Variants in HSD17B6 observed in about 807,000 individuals in gnomAD.
HSD17B6 encodes hydroxysteroid 17-beta dehydrogenase 6, also known as 17-beta-hydroxysteroid dehydrogenase type 6.
A neutral mutation model predicts 26.4 loss-of-function variants in HSD17B6; 16 were observed. The ratio of observed to expected loss-of-function variants is 0.61; its 90% CI spans 0.41 to 0.92. HSD17B6 has a LOEUF of 0.92. HSD17B6 is among the 40% of genes least tolerant of loss of function. The pLI, the probability that HSD17B6 is intolerant of heterozygous loss-of-function variation, is 0.00. For missense variants in HSD17B6, 357 were observed against 386.1 expected, an observed-to-expected ratio of 0.92 and a Z score of 0.63; for synonymous variants, 139 against 153.0, an observed-to-expected ratio of 0.91 and a Z score of 0.68.
chr12:56,776,088 G>A (rs902293291), intron 2 of HSD17B6, among the ~76,000 whole-genome samples: 3 of 151,286 alleles, frequency 2.0e-5, no homozygotes, highest in African/African-American at 7.3e-5. Flanking sequence ...ACCATACCGG[G>A]CTAATTTTTA....
chr12:56,787,336 A>C lies in HSD17B6; in HGVS notation c.948A>C (p.Ala316=). 6.2e-7 allele frequency: 1 copy of C among 1,610,468 alleles called. No individual in the cohort carries two copies. Among genetic ancestry groups the C allele is most frequent in the East Asian group, 2.2e-5 (1 of 44,884 alleles). Residue 316 remains alanine (A), a synonymous_variant, in exon 5 of 5, where the codon GCA becomes GCC. Transcript: ENST00000322165. ...GATCTTGGCCCAAACCAGCCCAGGC[A>C]GTCTAAAGAAAACTGGGTTGGTGCT... The part of the protein sequence containing the change: ...LTRSWPKPAQ[A]V
chr12:56,765,742 A>G (rs1389190310), intron 1 of HSD17B6, among the ~76,000 whole-genome samples: 1 of 151,992 alleles, frequency 6.6e-6, no homozygotes, highest in Non-Finnish European at 1.5e-5. Flanking sequence ...GAACTCCTCA[A>G]GGAATTCGCC....
rs1233787315 is a variant in HSD17B6, at chr12:56,784,952, G to C, written c.672G>C (p.Lys224Asn). The C allele has an allele frequency of 1.9e-6, 3 of 1,614,078 alleles. No individual in the cohort carries two copies. The highest frequency in any genetic ancestry group is 8.5e-7 in the Non-Finnish European group (1 of 1,179,998). ...TGACACAGTCCTTAGAGCGAATGAA[G>C]CAAAGTTGGAAAGAAGCCCCCAAGC... ...TNMTQSLERM[K>N]QSWKEAPKHI... The change falls in exon 4 of 5, where the codon AAG becomes AAC. Residue 224 changes from lysine to asparagine, a missense_variant. Physicochemically the swap from Lys to Asn is moderately conservative, Grantham distance 94. Transcript: ENST00000322165.
intron 2 of HSD17B6, among the ~76,000 whole-genome samples, chr12:56,780,244 AGTGGAG>A (rs1954683949): frequency 6.6e-6 from 1 of 152,202 alleles, no homozygotes; most frequent in Non-Finnish European, 1.5e-5. Flanking sequence ...TAAAAAGTAA[AGTGGAG>A]GTTCCTCCTC....
At chr12:56,776,146 G>A (rs1419435666) in intron 2 of HSD17B6, among the ~76,000 whole-genome samples, 6 of 151,958 alleles carry the variant, frequency 3.9e-5, no homozygotes, top group Admixed American at 1.3e-4. Context: ...GGCTTGCCTC[G>A]AACTCCTGAC....
At chr12:56,783,704 C>T (rs1954797298) in intron 3 of HSD17B6, among the ~76,000 whole-genome samples, 3 of 146,670 alleles carry the variant, frequency 2.0e-5, no homozygotes, top group African/African-American at 7.6e-5. Context: ...CCCCCCTCAC[C>T]TCCCTCCCGG....
intron 4 of HSD17B6, among the ~76,000 whole-genome samples, chr12:56,785,582 C>T (rs748176525): frequency 1.4e-4 from 22 of 152,324 alleles, no homozygotes; most frequent in East Asian, 5.8e-4. Context: ...GACATATAGG[C>T]GGCCTGGGGC....
At chr12:56,774,865 CT>C (rs1017310214) in intron 2 of HSD17B6, among the ~76,000 whole-genome samples, 39 of 152,364 alleles carry the variant, frequency 2.6e-4, no homozygotes, top group African/African-American at 9.4e-4. Flanking sequence ...ACAGATGAAG[CT>C]TTGCTTGCTT....
In HSD17B6 at chr12:56,776,386, C is replaced by T. The variant is rs368821689; in HGVS notation, c.313+2221C>T. 9.2e-4 allele frequency among the ~76,000 whole-genome samples: 137 copies of T among 149,268 alleles called. 4 individuals carry two copies. The South Asian group carries it at 0.028, about 31-fold the overall frequency. ...GTGGAATGATCATGGCCCACTGCAG[C>T]CTCACTCTCCTTGGTTCAAGCGATC... On this transcript the variant is annotated intron_variant, in intron 2 of 4. Coordinates refer to ENST00000322165, the MANE Select transcript of HSD17B6 (RefSeq NM_003725.4).
intron 2 of HSD17B6, among the ~76,000 whole-genome samples, chr12:56,780,771 C>T (rs1343860373): frequency 6.6e-6 from 1 of 151,012 alleles, no homozygotes; most frequent in African/African-American, 2.4e-5. Flanking sequence ...ATGGGGTGAA[C>T]CCGGGGGGTG....
In HSD17B6 at chr12:56,784,992, T is replaced by C. The variant is rs1954844788; in HGVS notation, c.712T>C (p.Tyr238His). 7 of 1,613,176 alleles carry C rather than the reference T, an allele frequency of 4.3e-6. No individual in the cohort carries two copies. Among genetic ancestry groups the C allele is most frequent in the Non-Finnish European group, 5.9e-6 (7 of 1,179,850 alleles). Residue 238 changes from tyrosine to histidine, a missense_variant, in exon 4 of 5, where the codon TAT becomes CAT. Coordinates refer to ENST00000322165, the MANE Select transcript of HSD17B6 (RefSeq NM_003725.4). ...AGCCCCCAAGCATATTAAGGAGACC[T>C]ATGGACAGCAGTATTTTGATGCCCG... ...KEAPKHIKETYGQQYFDALYN... is the reference protein window; with the variant it reads ...KEAPKHIKETHGQQYFDALYN...
At chr12:56,776,395 C>A (rs545352700) in intron 2 of HSD17B6, among the ~76,000 whole-genome samples, 1 of 149,094 alleles carries the variant, frequency 6.7e-6, no homozygotes, top group Non-Finnish European at 1.5e-5. Context: ...GCCTCACTCT[C>A]CTTGGTTCAA....
At chr12:56,782,393 T>A (rs1337605078) in intron 3 of HSD17B6, among the ~76,000 whole-genome samples, 161 bp downstream of exon 3, 1 of 152,234 alleles carries the variant, frequency 6.6e-6, no homozygotes. Context: ...AATTTTCTCA[T>A]CTGTCCCAGA....
chr12:56,775,601 CAG>C (rs1314379535), intron 2 of HSD17B6, among the ~76,000 whole-genome samples: 1 of 151,932 alleles, frequency 6.6e-6, no homozygotes, highest in Non-Finnish European at 1.5e-5. Context: ...GAAAATTGAA[CAG>C]AAAGTACAGA....
intron 2 of HSD17B6, among the ~76,000 whole-genome samples, chr12:56,780,739 C>G (rs138993973): frequency 0.086 from 13,025 of 150,804 alleles, 1,045 homozygotes; most frequent in African/African-American, 0.22. Flanking sequence ...GTCCCAGCTA[C>G]TCAGGAGGCT....
chr12:56,782,011 A>G lies in HSD17B6; in HGVS notation c.351A>G (p.Thr117=). The G allele has an allele frequency of 6.2e-7, 1 of 1,614,078 alleles. No individual in the cohort carries two copies. The highest frequency in any genetic ancestry group is 8.5e-7 in the Non-Finnish European group (1 of 1,179,994). ...TGGTGAACAATGCAGGCATTCTTAC[A>G]CCAATTACCTTATGTGAGTGGCTGA... The part of the protein sequence containing the change: ...WGLVNNAGIL[T]PITLCEWLNT... The change falls in exon 3 of 5, where the codon ACA becomes ACG. Residue 117 remains threonine, a synonymous_variant. Transcript: ENST00000322165.
intron 1 of HSD17B6, among the ~76,000 whole-genome samples, chr12:56,764,050 C>T (rs1197954308): frequency 9.8e-6 from 1 of 102,560 alleles, no homozygotes; most frequent in Non-Finnish European, 1.7e-5. Flanking sequence ...GCCTACATGA[C>T]AGAGTGAGAC....
Position 56,787,220 on chromosome 12 carries a change from C to T in HSD17B6, c.832C>T (p.Arg278Ter), listed in dbSNP as rs370623268. The T allele has an allele frequency of 4.7e-5, 76 of 1,614,134 alleles. No individual in the cohort carries two copies. The African/African-American group carries it at 7.9e-4, about 17-fold the overall frequency. Residue 278 changes from arginine (R) to a stop codon, truncating the protein, a stop_gained, in exon 5 of 5, where the codon CGA becomes TGA. Coordinates refer to ENST00000322165, the MANE Select transcript of HSD17B6 (RefSeq NM_003725.4). LOFTEE classifies it low-confidence loss of function (END_TRUNC). ...ACATGCTCTGACATCGGTGCATCCG[C>T]GAACTCGATATTCAGCTGGCTGGGA... ...MEHALTSVHP[R>*]TRYSAGWDAK...
rs1280803805 is a variant in HSD17B6 at position 56,773,816 on chromosome 12, TTTTC to T, written c.-19-12_-19-9del. On this transcript the variant is annotated splice_polypyrimidine_tract_variant and intron_variant, in intron 1 of 4. Coordinates refer to ENST00000322165, the MANE Select transcript of HSD17B6 (RefSeq NM_003725.4). Reference sequence around the variant, plus strand: ...TAAATAATAAGGAAGGAATAAAATGTTTTCTTTCTATTGAAAGAGAAGGAAGCAC... The same window carrying T: ...TAAATAATAAGGAAGGAATAAAATGTTTTCTATTGAAAGAGAAGGAAGCAC... The T allele has an allele frequency of 6.6e-7, 1 of 1,513,020 alleles. No homozygotes were observed. The highest frequency in any genetic ancestry group is 1.4e-5 in the African/African-American group (1 of 71,646). 93.7% of individuals were successfully genotyped at this position (1,513,020 alleles called of 1,614,324 possible).
Sources: allele counts gnomAD v4.1 joint callset (sites outside exome capture counted in the v4.1 genomes callset), GRCh38; gene constraint gnomAD v4.1.1; transcripts MANE v1.5; gene names NCBI Gene and HGNC (gene_info 2026-07-23, HGNC 2026-07-21).